The following SLCO1B3 variants were observed in gnomAD, a reference collection of about 807,000 sequenced individuals.
SLCO1B3 encodes the protein solute carrier organic anion transporter family member 1B3.
Under a neutral mutation model 71.8 loss-of-function variants are expected in SLCO1B3, and 72 were observed. The observed-to-expected ratio is 1.00, with a 90% CI of 0.83 to 1.22. The LOEUF (loss-of-function observed/expected upper bound fraction) is 1.22. Among genes scored for constraint, SLCO1B3 ranks in the 50% most tolerant of loss-of-function variants. SLCO1B3 has a pLI of 0.00. For missense variants in SLCO1B3, 911 were observed against 819.7 expected, an observed-to-expected ratio of 1.11 and a Z score of -1.36; for synonymous variants, 298 against 278.4, an observed-to-expected ratio of 1.07 and a Z score of -0.70.
chr12:20,907,110 C>T (rs1265175400), intron 15 of SLCO1B3, among the ~76,000 whole-genome samples: 1 of 152,050 alleles, frequency 6.6e-6, no homozygotes, highest in Non-Finnish European at 1.5e-5. Context: ...AAAAAGGAAG[C>T]ATTACATGAA....
intron 3 of SLCO1B3, among the ~76,000 whole-genome samples, chr12:20,829,399 A>G (rs543228117): frequency 9.2e-5 from 14 of 152,362 alleles, no homozygotes; most frequent in African/African-American, 3.1e-4. Flanking sequence ...AACTTCAGAA[A>G]GGAGTTGTTG....
intron 3 of SLCO1B3, among the ~76,000 whole-genome samples, chr12:20,842,972 C>T (rs1243919512): frequency 6.6e-6 from 1 of 151,978 alleles, no homozygotes; most frequent in Non-Finnish European, 1.5e-5. Context: ...AGAAGATGGC[C>T]CTCTTCCTGC....
At position 20,879,465 on chromosome 12, in the gene SLCO1B3, G is replaced by A. The variant is rs1488543817; in HGVS notation, c.1165G>A (p.Gly389Arg). The A allele has an allele frequency of 3.1e-6, 5 of 1,607,956 alleles. No individual in the cohort carries two copies. Among genetic ancestry groups the A allele is most frequent in the Non-Finnish European group, 4.3e-6 (5 of 1,175,958 alleles). ...CATAACCATTCCTACGGTTGCAACT[G>A]GAATGTTTTTAGGAGGATTTATCAT... ...GIITIPTVAT[G>R]MFLGGFIIKK... The change falls in exon 11 of 16, where the codon GGA (glycine) becomes AGA (arginine). Residue 389 changes from glycine to arginine, a missense_variant. Coordinates refer to ENST00000381545, the MANE Select transcript of SLCO1B3 (RefSeq NM_019844.4).
intron 3 of SLCO1B3, among the ~76,000 whole-genome samples, chr12:20,818,440 G>T (rs1864231251): frequency 6.6e-6 from 1 of 152,098 alleles, no homozygotes; most frequent in African/African-American, 2.4e-5. Context: ...CTATAGGAAA[G>T]GCCTCTACCT....
intron 3 of SLCO1B3, among the ~76,000 whole-genome samples, chr12:20,819,850 G>A (rs1346451493): frequency 6.6e-6 from 1 of 152,112 alleles, no homozygotes; most frequent in Non-Finnish European, 1.5e-5. Context: ...TCTTATACTT[G>A]TGGGTTAAGG....
At chr12:20,910,077 C>T (rs1202453313) in intron 15 of SLCO1B3, among the ~76,000 whole-genome samples, 3 of 152,092 alleles carry the variant, frequency 2.0e-5, no homozygotes, top group East Asian at 1.9e-4. Context: ...TCCTGTGTTA[C>T]GTCCTAGGAG....
intron 10 of SLCO1B3, among the ~76,000 whole-genome samples, chr12:20,879,205 CTTTTTTTT>C (rs4149166): frequency 1.1e-5 from 1 of 95,208 alleles, no homozygotes; most frequent in African/African-American, 3.9e-5. Context: ...ACCCTTCTCT[CTTTTTTTT>C]TTTTTTTTTT....
At position 20,872,874 on chromosome 12, in the gene SLCO1B3, A is replaced by G. The variant is rs558152538; in HGVS notation, c.728-2361A>G. On this transcript the variant is annotated intron_variant, in intron 8 of 15. Coordinates refer to ENST00000381545, the MANE Select transcript of SLCO1B3 (RefSeq NM_019844.4). The stretch of plus-strand genomic sequence containing the variant: ...TCATGGACTGGCCTTATTGTAGGAG[A>G]AAACCTTCATCAATCAGCCCAGCCA... 3.9e-5 allele frequency among the ~76,000 whole-genome samples: 6 copies of G among 152,276 alleles called. No homozygotes were observed. The East Asian group carries it at 1.2e-3, about 29-fold the overall frequency.
At chr12:20,897,970 T>C (rs1219521258) in intron 13 of SLCO1B3, among the ~76,000 whole-genome samples, 1 of 152,204 alleles carries the variant, frequency 6.6e-6, no homozygotes, top group Non-Finnish European at 1.5e-5. Flanking sequence ...TCTGGTTGTA[T>C]AATATAATTT....
At chr12:20,837,301 G>C (rs889619391) in intron 3 of SLCO1B3, among the ~76,000 whole-genome samples, 11 of 151,596 alleles carry the variant, frequency 7.3e-5, no homozygotes, top group African/African-American at 2.7e-4. Context: ...TTGAATTCCT[G>C]TTTTTAATGT....
At chr12:20,888,284 G>T (rs1387775284) in intron 13 of SLCO1B3, among the ~76,000 whole-genome samples, 1 of 151,802 alleles carries the variant, frequency 6.6e-6, no homozygotes, top group Non-Finnish European at 1.5e-5. Flanking sequence ...GATTGTTTTG[G>T]GCAGGATGGT....
intron 3 of SLCO1B3, among the ~76,000 whole-genome samples, chr12:20,839,762 T>C (rs868788542): frequency 1.3e-5 from 2 of 152,126 alleles, no homozygotes; most frequent in African/African-American, 4.8e-5. Flanking sequence ...CTGTTTCATA[T>C]TCTATTTTTG....
intron 13 of SLCO1B3, among the ~76,000 whole-genome samples, chr12:20,896,391 G>T (rs1866007839): frequency 6.6e-6 from 1 of 152,144 alleles, no homozygotes; most frequent in African/African-American, 2.4e-5. Flanking sequence ...TTGCTGCTTA[G>T]AAATTTTTTC....
intron 3 of SLCO1B3, among the ~76,000 whole-genome samples, chr12:20,836,267 T>A (rs373794480): frequency 6.6e-6 from 1 of 152,220 alleles, no homozygotes; most frequent in South Asian, 2.1e-4. Flanking sequence ...TATCATCTTT[T>A]CAAATTAAGT....
chr12:20,878,166 A>G (rs989319206), intron 10 of SLCO1B3, among the ~76,000 whole-genome samples: 1 of 151,696 alleles, frequency 6.6e-6, no homozygotes, highest in African/African-American at 2.4e-5. Context: ...ACCTAATTCT[A>G]TAGGTGAAAT....
intron 15 of SLCO1B3, among the ~76,000 whole-genome samples, chr12:20,907,793 G>A (rs1301774944): frequency 6.6e-6 from 1 of 151,916 alleles, no homozygotes; most frequent in African/African-American, 2.4e-5. Context: ...ACAGGAGTGA[G>A]CCACTGCTCC....
intron 9 of SLCO1B3, 110 bp from the exon 10 acceptor site, chr12:20,877,658 TAGAA>T (rs926273358): frequency 2.8e-5 from 12 of 422,528 alleles, no homozygotes; most frequent in African/African-American, 1.2e-4. Context: ...GCGACTCTCT[TAGAA>T]AGCCTCACAA....
At chr12:20,860,981 A>G (rs1164383591) in intron 5 of SLCO1B3, 36 bp from the exon 6 acceptor site, 2 of 1,533,368 alleles carry the variant, frequency 1.3e-6, no homozygotes, top group South Asian at 1.2e-5. Context: ...TATTCAGTAG[A>G]TAAGCAAAAT....
At chr12:20,841,701 T>G (rs531567000) in intron 3 of SLCO1B3, among the ~76,000 whole-genome samples, 4 of 152,232 alleles carry the variant, frequency 2.6e-5, no homozygotes, top group Admixed American at 2.6e-4. Context: ...TACCAACAGG[T>G]ACTTTTTTAG....
Sources: gnomAD v4.1 joint callset for allele counts (sites outside exome capture counted in the v4.1 genomes callset) on GRCh38, gnomAD v4.1.1 for gene constraint, MANE v1.5 for transcripts, NCBI Gene and HGNC (gene_info 2026-07-23, HGNC 2026-07-21) for gene names.